Variants in CSMD1 observed in about 807,000 individuals in gnomAD.
The protein encoded by CSMD1 is CUB and sushi domain-containing protein 1.
A neutral mutation model predicts 417.5 loss-of-function variants in CSMD1; 213 were observed. That is an observed-to-expected ratio of 0.51 (90% CI 0.46 to 0.57). The LOEUF is 0.57. CSMD1 is among the 20% of genes least tolerant of loss of function. The pLI, the probability that CSMD1 is intolerant of heterozygous loss-of-function variation, is 0.00. For synonymous variants in CSMD1, 2,862 were observed against 1,736.8 expected, an observed-to-expected ratio of 1.65 and a Z score of -16.11; for missense variants, 6,923 against 4,529.7, an observed-to-expected ratio of 1.53 and a Z score of -15.17.
chr8:4,747,019 G>C (rs549813215), intron 1 of CSMD1, among the ~76,000 whole-genome samples: 1 of 152,158 alleles, frequency 6.6e-6, no homozygotes, highest in African/African-American at 2.4e-5. Context: ...GCGGTTCAGA[G>C]AAGCCACTGA....
chr8:4,633,752 G>A (rs906185806), intron 2 of CSMD1, among the ~76,000 whole-genome samples: 4 of 151,856 alleles, frequency 2.6e-5, no homozygotes, highest in Admixed American at 6.6e-5. Flanking sequence ...TGGAGACGGG[G>A]TTTCATCATA....
Position 2,963,242 on chromosome 8 carries a change from C to G in CSMD1, c.9434G>C (p.Gly3145Ala), listed in dbSNP as rs377104643. The change falls in exon 60 of 70, where the codon GGA (glycine) becomes GCA (alanine). Residue 3145 changes from glycine to alanine, a missense_variant. Transcript: ENST00000635120. ...CTTACGGAGACACTGGGGGATCTCT[C>G]CTTTCCACACCCCGCGACCTTCACA... is the stretch of plus-strand genomic sequence containing the variant. ...LSCEGRGVWK[G>A]EIPQCLPVFC... is the part of the protein sequence containing the mutation. The G allele has an allele frequency of 1.2e-6, 2 of 1,613,762 alleles. No individual in the cohort carries two copies. The highest frequency in any genetic ancestry group is 1.7e-6 in the Non-Finnish European group (2 of 1,179,864).
chr8:4,081,942 C>A (rs1030617356), intron 3 of CSMD1, among the ~76,000 whole-genome samples: 1 of 151,862 alleles, frequency 6.6e-6, no homozygotes, highest in Non-Finnish European at 1.5e-5. Flanking sequence ...ATATTACACT[C>A]GAAAAACCAT....
At chr8:4,545,013 G>A (rs899033168) in intron 2 of CSMD1, among the ~76,000 whole-genome samples, 4 of 152,144 alleles carry the variant, frequency 2.6e-5, no homozygotes, top group South Asian at 2.1e-4. Context: ...TATTTATCAC[G>A]CACGTATCTG....
chr8:4,559,780 G>A (rs1408083329), intron 2 of CSMD1, among the ~76,000 whole-genome samples: 1 of 152,196 alleles, frequency 6.6e-6, no homozygotes, highest in African/African-American at 2.4e-5. Context: ...GCAGCCTGGT[G>A]CATTTTCCAC....
intron 9 of CSMD1, among the ~76,000 whole-genome samples, chr8:3,584,045 T>C (rs1800495562): frequency 6.6e-6 from 1 of 152,124 alleles, no homozygotes; most frequent in African/African-American, 2.4e-5. Flanking sequence ...AGGAATTATT[T>C]CCAGCAGTAT....
intron 5 of CSMD1, among the ~76,000 whole-genome samples, chr8:3,984,298 G>C (rs540194158): frequency 6.6e-6 from 1 of 152,130 alleles, no homozygotes; most frequent in Non-Finnish European, 1.5e-5. Context: ...TGTCACACAT[G>C]CACAGAGTTT....
intron 49 of CSMD1, among the ~76,000 whole-genome samples, chr8:3,086,667 G>A (rs920781264): frequency 1.3e-5 from 2 of 152,082 alleles, no homozygotes; most frequent in Admixed American, 1.3e-4. Context: ...ACTTTAACAA[G>A]CTCTAGATTT....
chr8:4,982,392 C>T (rs3911307), intron 1 of CSMD1, among the ~76,000 whole-genome samples: 6,647 of 152,244 alleles, frequency 0.044, 192 homozygotes, highest in South Asian at 0.068. Flanking sequence ...AGAGGATAAA[C>T]CTGGGTAACA....
chr8:3,803,684 T>C (rs554143302), intron 5 of CSMD1, among the ~76,000 whole-genome samples: 1 of 152,176 alleles, frequency 6.6e-6, no homozygotes, highest in Non-Finnish European at 1.5e-5. Context: ...CGCAGAGATT[T>C]GTTGGTCAGA....
intron 2 of CSMD1, among the ~76,000 whole-genome samples, chr8:4,603,783 G>A (rs554911503): frequency 6.6e-6 from 1 of 152,206 alleles, no homozygotes; most frequent in South Asian, 2.1e-4. Context: ...AAGTTGGAAT[G>A]AAACACAATA....
chr8:4,093,747 G>C (rs1460918514), intron 3 of CSMD1, among the ~76,000 whole-genome samples: 2 of 152,078 alleles, frequency 1.3e-5, no homozygotes, highest in Non-Finnish European at 2.9e-5. Flanking sequence ...GATAAACTGA[G>C]GTCAGGAGTT....
At chr8:3,516,782 A>G (rs4875729) in intron 10 of CSMD1, among the ~76,000 whole-genome samples, 22,589 of 152,106 alleles carry the variant, frequency 0.15, 1,847 homozygotes, top group Admixed American at 0.23. Context: ...TTACATAACT[A>G]AAAGTAGAAC....
chr8:4,102,890 G>A (rs908026249), intron 3 of CSMD1, among the ~76,000 whole-genome samples: 2 of 152,108 alleles, frequency 1.3e-5, no homozygotes, highest in Non-Finnish European at 2.9e-5. Context: ...GCAGTCTAAA[G>A]GTTATAGCAA....
intron 3 of CSMD1, among the ~76,000 whole-genome samples, chr8:4,117,750 T>C (rs979730918): frequency 1.9e-4 from 29 of 152,104 alleles, no homozygotes; most frequent in African/African-American, 6.0e-4. Context: ...AGATGTCAAA[T>C]AGATATTCAG....
At chr8:4,028,366 A>T (rs1797171831) in intron 4 of CSMD1, among the ~76,000 whole-genome samples, 1 of 152,160 alleles carries the variant, frequency 6.6e-6, no homozygotes, top group South Asian at 2.1e-4. Flanking sequence ...TTGCTAAAGT[A>T]GTGCCTGGCT....
At chr8:4,815,904 G>C (rs980170240) in intron 1 of CSMD1, among the ~76,000 whole-genome samples, 1 of 151,986 alleles carries the variant, frequency 6.6e-6, no homozygotes, top group Non-Finnish European at 1.5e-5. Flanking sequence ...ATCTCATCTA[G>C]GCTTTCTAGG....
At chr8:4,598,417 G>C (rs117906435) in intron 2 of CSMD1, among the ~76,000 whole-genome samples, 2,010 of 152,290 alleles carry the variant, frequency 0.013, 20 homozygotes, top group Middle Eastern at 0.062. Context: ...ATAAGGTCAT[G>C]GAAATCACTG....
chr8:3,964,914 T>C (rs1340717630), intron 5 of CSMD1, among the ~76,000 whole-genome samples: 2 of 152,202 alleles, frequency 1.3e-5, no homozygotes, highest in Non-Finnish European at 2.9e-5. Context: ...TACAATTAAG[T>C]TCTTAAATAT....
Sources: allele counts gnomAD v4.1 joint callset (sites outside exome capture counted in the v4.1 genomes callset), GRCh38; gene constraint gnomAD v4.1.1; transcripts MANE v1.5; gene names NCBI Gene and HGNC (gene_info 2026-07-23, HGNC 2026-07-21).